PLCG2: variants seen among roughly 807,000 people sequenced by gnomAD.
The protein encoded by PLCG2 is 1-phosphatidylinositol 4,5-bisphosphate phosphodiesterase gamma-2.
A neutral mutation model predicts 175.6 loss-of-function variants in PLCG2; 69 were observed. The observed-to-expected ratio is 0.39, with a 90% CI of 0.32 to 0.48. The LOEUF is 0.48. Ranked by LOEUF, PLCG2 falls within the 20% of genes least tolerant of loss-of-function variation. The probability of loss-of-function intolerance (pLI) is 0.91; values close to 1 mark genes in which losing one functional copy is unlikely to be tolerated. For missense variants in PLCG2, 1,798 were observed against 1,650.9 expected (o/e 1.09, Z -1.54); for synonymous variants, 827 against 624.0 (o/e 1.33, Z -4.85).
At chr16:81,887,290 T>A (rs13334875) in intron 9 of PLCG2, among the ~76,000 whole-genome samples, 11,184 of 152,074 alleles carry the variant, frequency 0.074, 1,396 homozygotes, top group African/African-American at 0.26. Flanking sequence ...CAGCTAATTT[T>A]TTGTGTTTTT....
At chr16:81,845,715 G>T (rs1201413397) in intron 2 of PLCG2, among the ~76,000 whole-genome samples, 1 of 152,342 alleles carries the variant, frequency 6.6e-6, no homozygotes, top group South Asian at 2.1e-4. Flanking sequence ...CACCCCTGTG[G>T]GTAGTGGGAT....
intron 1 of PLCG2, among the ~76,000 whole-genome samples, chr16:81,741,862 C>T (rs575222038): frequency 1.3e-5 from 2 of 152,240 alleles, no homozygotes; most frequent in South Asian, 2.1e-4. Context: ...TCACTTCAAA[C>T]GTTTGTCATT....
At chr16:81,953,588 C>G (rs1567548569) in intron 31 of PLCG2, among the ~76,000 whole-genome samples, 1 of 152,084 alleles carries the variant, frequency 6.6e-6, no homozygotes, top group Non-Finnish European at 1.5e-5. Context: ...GCTTCATTTT[C>G]TAATAAAACA....
chr16:81,752,197 C>T (rs533904439), intron 1 of PLCG2, among the ~76,000 whole-genome samples: 63 of 152,196 alleles, frequency 4.1e-4, no homozygotes, highest in African/African-American at 1.5e-3. Flanking sequence ...CACTGCGTCT[C>T]AGAGTTCCCT....
rs532680550 is a variant in PLCG2 at position 81,792,480 on chromosome 16, C to CAAAAAAAAAA, written c.193+6320_193+6329dup. Among the ~76,000 whole-genome samples the CAAAAAAAAAA allele has an allele frequency of 1.6e-3, 115 of 70,136 alleles. 4 individuals are homozygous for CAAAAAAAAAA. Among genetic ancestry groups the CAAAAAAAAAA allele is most frequent in the African/African-American group, 4.5e-3 (67 of 15,024 alleles). 46.0% of individuals were successfully genotyped at this position (70,136 alleles called of 152,430 possible). ...TGGGTGACAGAGCAAGGCTCTGTCT[C>CAAAAAAAAAA]AAAAAAAAAAAAAAAAAAAAAAAAA... On this transcript the variant is annotated intron_variant, in intron 2 of 32. Coordinates refer to ENST00000564138, the MANE Select transcript of PLCG2 (RefSeq NM_002661.5).
intron 17 of PLCG2, 98 bp downstream of exon 17, chr16:81,908,689 C>T (rs1033617058): frequency 1.0e-5 from 11 of 1,056,434 alleles, no homozygotes; most frequent in Middle Eastern, 3.2e-4. Flanking sequence ...ATTGGGCAGG[C>T]TGGGACCTGA....
Position 81,891,549 on chromosome 16 carries a change from C to A in PLCG2, c.945C>A (p.Asn315Lys). Reference sequence around the variant, plus strand: ...ACGCGGTGGACATGCAGGACATGAACAACCCCCTGTCTCATTACTGGATCT... The same window carrying A: ...ACGCGGTGGACATGCAGGACATGAAAAACCCCCTGTCTCATTACTGGATCT... ...KYDAVDMQDMNNPLSHYWISS... is the reference protein window; with the variant it reads ...KYDAVDMQDMKNPLSHYWISS... The change falls in exon 11 of 33, where the codon AAC becomes AAA. Residue 315 changes from asparagine (N) to lysine (K), a missense_variant. Asn to Lys is a moderately conservative substitution (Grantham distance 94). Coordinates refer to ENST00000564138, the MANE Select transcript of PLCG2 (RefSeq NM_002661.5). 6.2e-7 allele frequency: 1 copy of A among 1,610,554 alleles called. No homozygotes were observed.
intron 1 of PLCG2, among the ~76,000 whole-genome samples, chr16:81,753,970 C>T (rs1223754905): frequency 6.6e-6 from 1 of 152,086 alleles, no homozygotes; most frequent in Non-Finnish European, 1.5e-5. Context: ...GGAGGCTGAG[C>T]CTGTGTGAGG....
chr16:81,864,483 G>T (rs988587401), intron 5 of PLCG2, among the ~76,000 whole-genome samples: 5 of 152,196 alleles, frequency 3.3e-5, no homozygotes, highest in Non-Finnish European at 5.9e-5. Flanking sequence ...TGGTGCTGAG[G>T]TTTAAATCTC....
chr16:81,839,677 A>T (rs1905717479), intron 2 of PLCG2, among the ~76,000 whole-genome samples: 1 of 152,210 alleles, frequency 6.6e-6, no homozygotes, highest in Admixed American at 6.5e-5. Flanking sequence ...TACAGTTAAG[A>T]CATAACAAAG....
At chr16:81,838,840 A>G (rs1037188271) in intron 2 of PLCG2, among the ~76,000 whole-genome samples, 3 of 150,968 alleles carry the variant, frequency 2.0e-5, no homozygotes, top group Non-Finnish European at 4.4e-5. Context: ...AAATGCACAC[A>G]TGGTGCATGT....
rs1040229143 is a variant in PLCG2, at chr16:81,962,600, T to A, written c.*4602T>A. The A allele has an allele frequency of 9.0e-6, 2 of 223,100 alleles. No homozygotes were observed. The highest frequency in any genetic ancestry group is 1.8e-5 in the Non-Finnish European group (2 of 111,826). The allele number at this position is 223,100 out of a possible 1,614,324, so 13.8% of individuals were successfully genotyped here. On this transcript the variant is annotated 3_prime_UTR_variant, in exon 33 of 33. Coordinates refer to ENST00000564138, the MANE Select transcript of PLCG2 (RefSeq NM_002661.5). ...TTGTGTACATAGAGAATTAAGTGAA[T>A]GAGTCACACAGATGTTGGCTGTTGT...
At chr16:81,871,744 C>T (rs1907526705) in intron 7 of PLCG2, among the ~76,000 whole-genome samples, 1 of 152,076 alleles carries the variant, frequency 6.6e-6, no homozygotes, top group Non-Finnish European at 1.5e-5. Flanking sequence ...CAGTGGCATC[C>T]TGGGGACTCT....
At chr16:81,856,526 C>T (rs1906690158) in intron 3 of PLCG2, among the ~76,000 whole-genome samples, 1 of 152,210 alleles carries the variant, frequency 6.6e-6, no homozygotes, top group Non-Finnish European at 1.5e-5. Flanking sequence ...CTTGCTGTCC[C>T]TCTGTGCCAT....
intron 3 of PLCG2, among the ~76,000 whole-genome samples, chr16:81,856,714 C>T (rs142914833): frequency 2.6e-5 from 4 of 152,208 alleles, no homozygotes; most frequent in Non-Finnish European, 4.4e-5. Flanking sequence ...TGCCCTCCCA[C>T]GATGCCCATG....
intron 2 of PLCG2, among the ~76,000 whole-genome samples, chr16:81,853,787 G>A (rs1235870721): frequency 6.6e-6 from 1 of 152,128 alleles, no homozygotes; most frequent in African/African-American, 2.4e-5. Context: ...AATACTGGAG[G>A]CTGTGGCCCA....
intron 24 of PLCG2, among the ~76,000 whole-genome samples, chr16:81,930,216 A>G (rs1910443459): frequency 6.6e-6 from 1 of 152,234 alleles, no homozygotes; most frequent in African/African-American, 2.4e-5. Context: ...TAATCTGCTT[A>G]GAATATTGCC....
rs1910635403 is a variant in PLCG2 at position 81,934,670 on chromosome 16, G to T, written c.2842+139G>T. ...CAGTAGATGGCCCCACCTTGGGTTT[G>T]TCCTCCGAGTGAGGGAGCTGGTGGC... On this transcript the variant is annotated intron_variant, in intron 26 of 32. Transcript: ENST00000564138. 1.1e-5 allele frequency: 7 copies of T among 647,678 alleles called. No homozygotes were observed. The South Asian group carries it at 1.3e-4, about 12-fold the overall frequency. 40.1% of individuals were successfully genotyped at this position (647,678 alleles called of 1,614,324 possible).
intron 2 of PLCG2, among the ~76,000 whole-genome samples, chr16:81,789,908 A>G (rs977811899): frequency 2.0e-4 from 30 of 148,902 alleles, no homozygotes; most frequent in African/African-American, 7.2e-4. Context: ...CCTAGGCGCT[A>G]GAGATACAGC....
Sources: gnomAD v4.1 joint callset for allele counts (sites outside exome capture counted in the v4.1 genomes callset) on GRCh38, gnomAD v4.1.1 for gene constraint, MANE v1.5 for transcripts, NCBI Gene and HGNC (gene_info 2026-07-23, HGNC 2026-07-21) for gene names.